CHSY3: variants seen among roughly 807,000 people sequenced by gnomAD.
CHSY3 encodes N-acetylgalactosaminyl-proteoglycan 3-beta-glucuronosyltransferase 3.
CHSY3 carries 35 observed loss-of-function variants against 67.2 expected under a neutral mutation model. That is an observed-to-expected ratio of 0.52 (90% CI 0.40 to 0.69). The LOEUF (loss-of-function observed/expected upper bound fraction) is 0.69. Among genes scored for constraint, CHSY3 ranks in the 30% least tolerant of loss-of-function variants. The probability of loss-of-function intolerance (pLI) is 0.00; values close to 1 mark genes in which losing one functional copy is unlikely to be tolerated. For missense variants in CHSY3, 1,069 were observed against 1,138.5 expected, an observed-to-expected ratio of 0.94 and a Z score of 0.88; for synonymous variants, 474 against 434.7, an observed-to-expected ratio of 1.09 and a Z score of -1.12.
intron 2 of CHSY3, among the ~76,000 whole-genome samples, chr5:130,020,457 ATATATTTTTTT>A (rs1464345940): frequency 2.5e-3 from 14 of 5,532 alleles, no homozygotes; most frequent in Admixed American, 3.3e-3. Context: ...ATATATATAT[ATATATTTTTTT>A]TTTTTTTTTT....
At chr5:130,069,711 T>C (rs1015141042) in intron 2 of CHSY3, among the ~76,000 whole-genome samples, 1 of 152,048 alleles carries the variant, frequency 6.6e-6, no homozygotes, top group African/African-American at 2.4e-5. Context: ...ATTGAACTTC[T>C]AGGAAACATA....
intron 2 of CHSY3, among the ~76,000 whole-genome samples, chr5:130,088,905 A>G (rs998412605): frequency 3.3e-5 from 5 of 152,222 alleles, no homozygotes; most frequent in South Asian, 2.1e-4. Context: ...TCATGCTGCT[A>G]TAAAGACACA....
Position 130,094,296 on chromosome 5 carries a change from C to T in CHSY3, c.1087-89933C>T, listed in dbSNP as rs115952285. ...AAAAATTACCCCCTAAAAAAATCTA[C>T]GGTGTAATTTTATATATATTTAGGC... On this transcript the variant is annotated intron_variant, in intron 2 of 2. Coordinates refer to ENST00000305031, the MANE Select transcript of CHSY3 (RefSeq NM_175856.5). 2.9e-3 allele frequency among the ~76,000 whole-genome samples: 448 copies of T among 152,136 alleles called. 2 individuals carry two copies. Among genetic ancestry groups the T allele is most frequent in the African/African-American group, 9.9e-3 (412 of 41,522 alleles).
chr5:129,949,659 G>C (rs1424102861), intron 2 of CHSY3, among the ~76,000 whole-genome samples: 1 of 152,084 alleles, frequency 6.6e-6, no homozygotes, highest in Admixed American at 6.5e-5. Flanking sequence ...GACACTACAA[G>C]AAAAGAAAAC....
At chr5:130,017,740 C>A (rs1055900188) in intron 2 of CHSY3, among the ~76,000 whole-genome samples, 2 of 152,012 alleles carry the variant, frequency 1.3e-5, no homozygotes, top group African/African-American at 4.8e-5. Context: ...TACTAACAAT[C>A]TTTTGTTGCA....
At chr5:130,118,447 C>T (rs954930046) in intron 2 of CHSY3, among the ~76,000 whole-genome samples, 17 of 150,496 alleles carry the variant, frequency 1.1e-4, no homozygotes, top group African/African-American at 2.4e-4. Context: ...TCTATATATA[C>T]ACACACACAC....
At chr5:130,001,015 C>T (rs1484221033) in intron 2 of CHSY3, among the ~76,000 whole-genome samples, 5 of 151,690 alleles carry the variant, frequency 3.3e-5, no homozygotes, top group Admixed American at 2.0e-4. Flanking sequence ...CTCAGCCTCC[C>T]GAGTAGCTGA....
At chr5:130,002,423 C>T (rs1168316185) in intron 2 of CHSY3, among the ~76,000 whole-genome samples, 1 of 152,026 alleles carries the variant, frequency 6.6e-6, no homozygotes, top group Non-Finnish European at 1.5e-5. Flanking sequence ...ACTTGGAGGC[C>T]TTATAATCCA....
chr5:129,952,939 C>T (rs1008975857), intron 2 of CHSY3, among the ~76,000 whole-genome samples: 6 of 152,088 alleles, frequency 3.9e-5, no homozygotes, highest in South Asian at 2.1e-4. Context: ...CTTCAGTACA[C>T]GAACAAATAA....
intron 2 of CHSY3, among the ~76,000 whole-genome samples, chr5:129,990,648 C>A (rs1763335522): frequency 6.6e-6 from 1 of 152,038 alleles, no homozygotes; most frequent in African/African-American, 2.4e-5. Context: ...TTGATGACTT[C>A]AATCAAATTC....
intron 2 of CHSY3, among the ~76,000 whole-genome samples, chr5:130,173,040 A>T (rs10069100): frequency 0.014 from 2,168 of 152,316 alleles, 56 homozygotes; most frequent in African/African-American, 0.05. Flanking sequence ...AATTTATAAC[A>T]AACATGGAGA....
At chr5:130,184,123 C>CA in intron 2 of CHSY3, 106 bp from the exon 3 acceptor site, 1 of 1,087,858 alleles carries the variant, frequency 9.2e-7, no homozygotes, top group Non-Finnish European at 1.2e-6. Context: ...AATACCATAC[C>CA]AAAAATGTAT....
chr5:130,082,817 G>A (rs1177818637), intron 2 of CHSY3, among the ~76,000 whole-genome samples: 1 of 151,730 alleles, frequency 6.6e-6, no homozygotes, highest in African/African-American at 2.4e-5. Flanking sequence ...ACACGCTTAA[G>A]TGACAGTAGT....
chr5:130,050,345 A>C lies in CHSY3; in HGVS notation c.1087-133884A>C, dbSNP rs1015675126. On this transcript the variant is annotated intron_variant, in intron 2 of 2. Transcript: ENST00000305031. ...CTTAAATTTCATTTGTGGTATCTTTAAGCAATATGTTATTGATAAAGGGGT... is the reference window on the plus strand; with the variant it reads ...CTTAAATTTCATTTGTGGTATCTTTCAGCAATATGTTATTGATAAAGGGGT... 3.1e-4 allele frequency among the ~76,000 whole-genome samples: 47 copies of C among 152,136 alleles called. 2 individuals carry two copies. The highest frequency in any genetic ancestry group is 3.0e-3 in the Admixed American group (46 of 15,232).
chr5:130,103,589 A>T (rs1282664687), intron 2 of CHSY3, among the ~76,000 whole-genome samples: 1 of 152,020 alleles, frequency 6.6e-6, no homozygotes, highest in Non-Finnish European at 1.5e-5. Context: ...TAAGAGAGGA[A>T]TATCTCACTG....
intron 2 of CHSY3, among the ~76,000 whole-genome samples, chr5:129,924,381 C>T (rs559606784): frequency 2.6e-5 from 4 of 152,114 alleles, no homozygotes; most frequent in Non-Finnish European, 5.9e-5. Flanking sequence ...AGCGCAGTGG[C>T]TCATGCCTGT....
intron 2 of CHSY3, among the ~76,000 whole-genome samples, chr5:129,953,888 C>T (rs1193245998): frequency 3.3e-5 from 5 of 152,176 alleles, no homozygotes; most frequent in East Asian, 1.9e-4. Flanking sequence ...AGCCCTTTGT[C>T]AGATGAATAG....
chr5:129,916,885 T>C (rs1265166302), intron 2 of CHSY3, among the ~76,000 whole-genome samples: 1 of 152,164 alleles, frequency 6.6e-6, no homozygotes, highest in Non-Finnish European at 1.5e-5. Context: ...TAAATTGTTT[T>C]TTTTTCATTG....
At chr5:129,974,174 A>C (rs1762725707) in intron 2 of CHSY3, among the ~76,000 whole-genome samples, 1 of 152,114 alleles carries the variant, frequency 6.6e-6, no homozygotes, top group Non-Finnish European at 1.5e-5. Flanking sequence ...CTGTAATTGG[A>C]AGGGATGCCT....
Sources: allele counts gnomAD v4.1 joint callset (sites outside exome capture counted in the v4.1 genomes callset), GRCh38; gene constraint gnomAD v4.1.1; transcripts MANE v1.5; gene names NCBI Gene and HGNC (gene_info 2026-07-23, HGNC 2026-07-21).